The following MRPL45 variants were observed in gnomAD, a reference collection of about 807,000 sequenced individuals.
MRPL45 encodes large ribosomal subunit protein mL45.
Under a neutral mutation model 38.1 loss-of-function variants are expected in MRPL45, and 20 were observed. That is an observed-to-expected ratio of 0.53 (90% CI 0.37 to 0.76). The LOEUF is 0.76. Ranked by LOEUF, MRPL45 falls within the 30% of genes least tolerant of loss-of-function variation. The probability of loss-of-function intolerance (pLI) is 0.00; values close to 1 mark genes in which losing one functional copy is unlikely to be tolerated. For missense variants in MRPL45, 337 were observed against 395.6 expected (o/e 0.85, Z 1.26); for synonymous variants, 105 against 128.8 (o/e 0.82, Z 1.25).
At chr17:38,315,061 A>C (rs1446971798) in intron 4 of MRPL45, among the ~76,000 whole-genome samples, 1 of 152,202 alleles carries the variant, frequency 6.6e-6, no homozygotes, top group East Asian at 1.9e-4. Context: ...TTGCCTTTTA[A>C]ATCATACAGG....
At chr17:38,307,693 A>G (rs1365569302) in intron 4 of MRPL45, among the ~76,000 whole-genome samples, 1 of 152,184 alleles carries the variant, frequency 6.6e-6, no homozygotes, top group Non-Finnish European at 1.5e-5. Flanking sequence ...AGGAAGATGA[A>G]GAATCAACAT....
At chr17:38,313,202 C>G (rs1189405928) in intron 4 of MRPL45, among the ~76,000 whole-genome samples, 1 of 148,490 alleles carries the variant, frequency 6.7e-6, no homozygotes, top group Non-Finnish European at 1.5e-5. Context: ...CCAGGATGGT[C>G]TCAATCTCCT....
chr17:38,318,839 T>TTG (rs1555562682), intron 5 of MRPL45, 104 bp downstream of exon 5: 68 of 643,520 alleles, frequency 1.1e-4, no homozygotes, highest in Admixed American at 3.2e-4. Context: ...TTTTTTTTTT[T>TTG]TTTTTGAGAC....
chr17:38,312,906 T>C (rs2037126177), intron 4 of MRPL45, among the ~76,000 whole-genome samples: 1 of 151,878 alleles, frequency 6.6e-6, no homozygotes, highest in Admixed American at 6.6e-5. Flanking sequence ...CTACACTGTT[T>C]TACATTCCTA....
At chr17:38,302,794 G>A (rs1380145739) in intron 3 of MRPL45, among the ~76,000 whole-genome samples, 2 of 147,686 alleles carry the variant, frequency 1.4e-5, no homozygotes, top group Admixed American at 6.8e-5. Context: ...GCTCCATCTC[G>A]GCCCACTGCA....
intron 4 of MRPL45, among the ~76,000 whole-genome samples, chr17:38,318,447 T>G (rs960916936): frequency 1.3e-5 from 2 of 151,796 alleles, no homozygotes; most frequent in African/African-American, 4.8e-5. Flanking sequence ...TTTTTTTAAA[T>G]TTATTTTTTA....
At chr17:38,313,230 G>T (rs942470305) in intron 4 of MRPL45, among the ~76,000 whole-genome samples, 2 of 145,936 alleles carry the variant, frequency 1.4e-5, no homozygotes, top group Non-Finnish European at 3.0e-5. Context: ...TGATCCACCC[G>T]CCTTGGCCTC....
rs199598572 is a variant in MRPL45 at position 38,309,523 on chromosome 17, G to GA, written c.461+2910dup. Among the ~76,000 whole-genome samples the GA allele has an allele frequency of 2.5e-3, 134 of 54,100 alleles. 1 individual carries two copies. The highest frequency in any genetic ancestry group is 7.4e-3 in the African/African-American group (126 of 17,052). 35.5% of individuals were successfully genotyped at this position (54,100 alleles called of 152,430 possible). On this transcript the variant is annotated intron_variant, in intron 4 of 7. Transcript: ENST00000613675. ...GACAACAGAGCAAAACTCCGTCTCA[G>GA]AAAAAAAAAAAAAAAAAAGATTTTT...
chr17:38,299,535 A>G, intron 3 of MRPL45, 67 bp downstream of exon 3: 1 of 1,395,798 alleles, frequency 7.2e-7, no homozygotes, highest in Non-Finnish European at 9.7e-7. Context: ...TTTATCCCAA[A>G]GAGACCTTTT....
chr17:38,318,764 G>C, intron 5 of MRPL45, 29 bp downstream of exon 5: 1 of 1,529,996 alleles, frequency 6.5e-7, no homozygotes, highest in East Asian at 2.3e-5. Flanking sequence ...TAGAACTGTG[G>C]GGTGACTGAG....
intron 2 of MRPL45, 28 bp from the exon 3 acceptor site, chr17:38,299,323 T>C (rs1196252789): frequency 5.5e-6 from 8 of 1,460,016 alleles, no homozygotes; most frequent in South Asian, 1.3e-5. Flanking sequence ...TTCAACACTT[T>C]CTTAATTTTT....
At chr17:38,315,630 C>A (rs1296537120) in intron 4 of MRPL45, among the ~76,000 whole-genome samples, 1 of 151,664 alleles carries the variant, frequency 6.6e-6, no homozygotes, top group African/African-American at 2.4e-5. Context: ...TTTAATGTTT[C>A]TTGGTATGAA....
intron 3 of MRPL45, among the ~76,000 whole-genome samples, chr17:38,303,713 C>T (rs2037023218): frequency 6.6e-6 from 1 of 151,796 alleles, no homozygotes; most frequent in Non-Finnish European, 1.5e-5. Context: ...TCTAAGATTC[C>T]TCTTGCCTCC....
intron 4 of MRPL45, among the ~76,000 whole-genome samples, chr17:38,308,459 G>A (rs2037075775): frequency 6.8e-6 from 1 of 147,734 alleles, no homozygotes; most frequent in Non-Finnish European, 1.5e-5. Flanking sequence ...TGTTTGTTTT[G>A]AGATAGACTC....
intron 7 of MRPL45, 93 bp from the exon 8 acceptor site, chr17:38,322,416 C>CCGGG: frequency 5.3e-6 from 1 of 189,876 alleles, no homozygotes; most frequent in African/African-American, 1.2e-4. Context: ...GAAGGGAAGG[C>CCGGG]CGGGTGGGTG....
chr17:38,304,306 A>C (rs867836478), intron 3 of MRPL45, among the ~76,000 whole-genome samples: 3 of 152,120 alleles, frequency 2.0e-5, no homozygotes, highest in Admixed American at 6.6e-5. Flanking sequence ...TGTCTCTACA[A>C]AAACTAAAAA....
chr17:38,322,234 G>T lies in MRPL45; in HGVS notation c.769G>T (p.Gly257Ter). Residue 257 changes from glycine to a stop codon, truncating the protein, a stop_gained, in exon 7 of 8, where the codon GGA (glycine) becomes TGA (stop). Coordinates refer to ENST00000613675, the MANE Select transcript of MRPL45 (RefSeq NM_032351.6). LOFTEE classifies it high-confidence loss of function. ...VFEKQLTNPY[G>*]SWRMHTKIVP... ...CGAAAAGCAGTTGACAAACCCCTATGGAAGCTGGAGAATGCATACCAAGAT... is the reference window on the plus strand; with the variant it reads ...CGAAAAGCAGTTGACAAACCCCTATTGAAGCTGGAGAATGCATACCAAGAT... The T allele has an allele frequency of 1.9e-6, 3 of 1,614,068 alleles. No individual in the cohort carries two copies. Among genetic ancestry groups the T allele is most frequent in the Non-Finnish European group, 8.5e-7 (1 of 1,180,000 alleles).
At chr17:38,310,045 T>C (rs186829940) in intron 4 of MRPL45, among the ~76,000 whole-genome samples, 44 of 152,066 alleles carry the variant, frequency 2.9e-4, no homozygotes, top group African/African-American at 8.4e-4. Context: ...TTTTCAGTTG[T>C]AGCTAATCTG....
chr17:38,299,321 T>C (rs766794488), intron 2 of MRPL45, 30 bp from the exon 3 acceptor site: 3 of 1,453,296 alleles, frequency 2.1e-6, no homozygotes, highest in Non-Finnish European at 2.8e-6. Context: ...CTTTCAACAC[T>C]TTCTTAATTT....
Sources: gnomAD v4.1 joint callset for allele counts (sites outside exome capture counted in the v4.1 genomes callset) on GRCh38, gnomAD v4.1.1 for gene constraint, MANE v1.5 for transcripts, NCBI Gene and HGNC (gene_info 2026-07-23, HGNC 2026-07-21) for gene names.